TMPRSS9: variants seen among roughly 807,000 people sequenced by gnomAD.
TMPRSS9 encodes the protein transmembrane protease serine 9.
A neutral mutation model predicts 111.4 loss-of-function variants in TMPRSS9; 113 were observed. The observed-to-expected ratio is 1.01, with a 90% confidence interval of 0.87 to 1.19. The LOEUF is 1.19. Ranked by LOEUF, TMPRSS9 falls within the 50% of genes most tolerant of loss-of-function variation. TMPRSS9 has a pLI of 0.00. For synonymous variants in TMPRSS9, 805 were observed against 659.1 expected (o/e 1.22, Z -3.39); for missense variants, 1,803 against 1,513.1 (o/e 1.19, Z -3.18).
chr19:2,400,645 A>G (rs1196153112), intron 4 of TMPRSS9, among the ~76,000 whole-genome samples: 1 of 152,062 alleles, frequency 6.6e-6, no homozygotes, highest in Non-Finnish European at 1.5e-5. Flanking sequence ...GCAGCAGGTC[A>G]TGATTGGAGA....
chr19:2,406,050 A>C lies in TMPRSS9; in HGVS notation c.842+505A>C, dbSNP rs1277892807. Among the ~76,000 whole-genome samples the C allele has an allele frequency of 1.4e-3, 134 of 96,980 alleles. 1 individual carries two copies. The Admixed American group carries it at 0.016, about 11-fold the overall frequency. 63.6% of individuals were successfully genotyped at this position (96,980 alleles called of 152,430 possible). ...TTTTGAGATGGAGTCTCGCTCTGTCACCCAGGCTGGAGTGCAGTGGCGTGA... is the reference window on the plus strand; with the variant it reads ...TTTTGAGATGGAGTCTCGCTCTGTCCCCCAGGCTGGAGTGCAGTGGCGTGA... On this transcript the variant is annotated intron_variant, in intron 7 of 17. Transcript: ENST00000648592.
At chr19:2,413,626 T>C (rs1250073541) in intron 9 of TMPRSS9, 74 bp from the exon 11 acceptor site, 4 of 1,504,936 alleles carry the variant, frequency 2.7e-6, no homozygotes, top group Non-Finnish European at 2.7e-6. Context: ...CAGAGCTCCT[T>C]CTTGGGCCTC....
Position 2,422,328 on chromosome 19 carries a change from C to T in TMPRSS9, c.2548+81C>T, listed in dbSNP as rs1402785325. On this transcript the variant is annotated intron_variant, in intron 14 of 17. Coordinates refer to ENST00000648592, the Ensembl canonical transcript of TMPRSS9. ...TGGGCTGCCTAACAAGACATAACGT[C>T]GTCCACTTTGGGAGGCCGAGGCGGG... The T allele has an allele frequency of 3.1e-5, 44 of 1,434,774 alleles. 1 individual carries two copies. Among genetic ancestry groups the T allele is most frequent in the Middle Eastern group, 5.1e-4 (2 of 3,938 alleles). The allele number at this position is 1,434,774 out of a possible 1,614,324, so 88.9% of individuals were successfully genotyped here. A position where few individuals can be genotyped will look rare whatever the true frequency, so the allele number is the denominator to read the frequency against.
At chr19:2,394,782 G>T (rs1050856851) in intron 1 of TMPRSS9, among the ~76,000 whole-genome samples, 8 of 129,982 alleles carry the variant, frequency 6.2e-5, no homozygotes, top group African/African-American at 2.5e-4. Context: ...TTGTAATTAC[G>T]GCCATTTTTT....
intron 1 of TMPRSS9, among the ~76,000 whole-genome samples, chr19:2,366,713 C>T (rs1393288604): frequency 2.6e-5 from 4 of 151,920 alleles, no homozygotes; most frequent in Non-Finnish European, 2.9e-5. Flanking sequence ...AAAAATTAGC[C>T]GGGCGTGGTG....
In TMPRSS9 at chr19:2,422,035, C is replaced by A; in HGVS notation, c.2336C>A (p.Pro779His). The A allele has an allele frequency of 1.2e-6, 2 of 1,612,862 alleles. No homozygotes were observed. Among genetic ancestry groups the A allele is most frequent in the Non-Finnish European group, 1.7e-6 (2 of 1,179,834 alleles). ...TCCCAGCCCCTTCCCATGTCTCCCC[C>A]CTCGACCACAAGGATGCTGGCCACC... The change falls in exon 14 of 18, where the codon CCC becomes CAC. Residue 779 changes from proline (P) to histidine (H), a missense_variant. Coordinates refer to ENST00000648592, the Ensembl canonical transcript of TMPRSS9.
rs780496349 is a variant in TMPRSS9 at position 2,424,971 on chromosome 19, G to A, written c.2718-31G>A. On this transcript the variant is annotated intron_variant, in intron 15 of 17. Coordinates refer to ENST00000648592, the Ensembl canonical transcript of TMPRSS9. Reference sequence around the variant, plus strand: ...GCGGGGGCCGGGGGCGTGGGGGCTCGGGCCGACGCCTGTCCTCGCGCGCCC... The same window carrying A: ...GCGGGGGCCGGGGGCGTGGGGGCTCAGGCCGACGCCTGTCCTCGCGCGCCC... 6.4e-5 allele frequency: 94 copies of A among 1,457,986 alleles called. 1 individual carries two copies. In the Middle Eastern group the frequency reaches 2.5e-3, roughly 38 times the overall value. 90.3% of individuals were successfully genotyped at this position (1,457,986 alleles called of 1,614,324 possible). A position where few individuals can be genotyped will look rare whatever the true frequency, so the allele number is the denominator to read the frequency against.
chr19:2,387,636 A>G (rs1970504964), upstream of TMPRSS9, among the ~76,000 whole-genome samples: 1 of 151,948 alleles, frequency 6.6e-6, no homozygotes, highest in African/African-American at 2.4e-5. Context: ...GGTCCCAGCT[A>G]TGGGAGGCTG....
upstream of TMPRSS9, among the ~76,000 whole-genome samples, chr19:2,385,675 G>T (rs1413976143): frequency 6.6e-6 from 1 of 151,910 alleles, no homozygotes; most frequent in Non-Finnish European, 1.5e-5. Flanking sequence ...AACATAGTGA[G>T]ACCCCAATCT....
chr19:2,381,371 T>C (rs1463846902), intron 1 of TMPRSS9, among the ~76,000 whole-genome samples: 2 of 151,646 alleles, frequency 1.3e-5, no homozygotes, highest in Non-Finnish European at 2.9e-5. Context: ...TGCGTGTGTG[T>C]GTGTGTGTTG....
chr19:2,425,578 G>C (rs1450376186), intron 17 of TMPRSS9, 85 bp downstream of exon 18: 49 of 1,401,288 alleles, frequency 3.5e-5, no homozygotes, highest in Non-Finnish European at 4.4e-5. Context: ...CCCACCATCC[G>C]GGAGCCACCC....
intron 1 of TMPRSS9, among the ~76,000 whole-genome samples, chr19:2,393,020 G>A (rs1348058863): frequency 6.6e-6 from 1 of 152,180 alleles, no homozygotes; most frequent in African/African-American, 2.4e-5. Context: ...ACACCAATCA[G>A]CACCCTGTCA....
exon 12 of TMPRSS9, chr19:2,416,657 T>A: frequency 1.2e-6 from 2 of 1,613,112 alleles, no homozygotes; most frequent in East Asian, 4.5e-5. Flanking sequence ...AACCCTGGCA[T>A]CCTGGACTTC....
At chr19:2,367,115 TC>T (rs1363831780) in intron 1 of TMPRSS9, among the ~76,000 whole-genome samples, 1 of 152,170 alleles carries the variant, frequency 6.6e-6, no homozygotes, top group Non-Finnish European at 1.5e-5. Flanking sequence ...GAAGCCTAGA[TC>T]CATTGCTTCT....
At chr19:2,416,556 T>A (rs533172206) in exon 12 of TMPRSS9, 3 of 1,609,758 alleles carry the variant, frequency 1.9e-6, no homozygotes, top group South Asian at 1.1e-5. Flanking sequence ...TGGAGCAGGT[T>A]CGGGCCCACC....
chr19:2,408,521 G>A (rs755847538), exon 8 of TMPRSS9: 2 of 1,613,786 alleles, frequency 1.2e-6, no homozygotes, highest in Non-Finnish European at 1.7e-6. Flanking sequence ...CCAGCCCTCT[G>A]CCTTTCGGCC....
At chr19:2,393,328 T>A (rs989807697) in intron 1 of TMPRSS9, among the ~76,000 whole-genome samples, 1 of 152,024 alleles carries the variant, frequency 6.6e-6, no homozygotes, top group Non-Finnish European at 1.5e-5. Flanking sequence ...CCAGGAGGAA[T>A]GAACAACTCC....
chr19:2,361,139 G>C (rs183650111), intron 1 of TMPRSS9, among the ~76,000 whole-genome samples: 1,432 of 126,894 alleles, frequency 0.011, 17 homozygotes, highest in African/African-American at 0.031. Flanking sequence ...CTGGGATGGG[G>C]TGCAGGGCTG....
At position 2,421,893 on chromosome 19, in the gene TMPRSS9, G is replaced by A. The variant is rs371409264; in HGVS notation, c.2194G>A (p.Gly732Ser). The A allele has an allele frequency of 7.0e-5, 113 of 1,612,302 alleles. No homozygotes were observed. The highest frequency in any genetic ancestry group is 1.7e-4 in the Middle Eastern group (1 of 6,050). The change falls in exon 14 of 18, where the codon GGC becomes AGC. Residue 732 changes from glycine (G) to serine (S), a missense_variant. Physicochemically the swap from Gly to Ser is moderately conservative, Grantham distance 56. Coordinates refer to ENST00000648592, the Ensembl canonical transcript of TMPRSS9. ...CCCCCTGGCCTGCGAGGAGGCCCCT[G>A]GCGTGTTTTATCTGGCAGGGATCGT...
Sources: allele counts gnomAD v4.1 joint callset (sites outside exome capture counted in the v4.1 genomes callset), GRCh38; gene constraint gnomAD v4.1.1; transcripts MANE v1.5; gene names NCBI Gene and HGNC (gene_info 2026-07-23, HGNC 2026-07-21).